SLC7A7: variants seen among roughly 807,000 people sequenced by gnomAD.
SLC7A7 encodes the protein Y+L amino acid transporter 1.
In SLC7A7, 39 loss-of-function variants were observed where a neutral mutation model predicts 47.9. That is an observed-to-expected ratio of 0.81 (90% confidence interval 0.63 to 1.06). SLC7A7 has a LOEUF of 1.06. Among genes scored for constraint, SLC7A7 ranks in the 50% least tolerant of loss-of-function variants. SLC7A7 has a pLI of 0.00. For missense variants in SLC7A7, 588 were observed against 632.0 expected, an observed-to-expected ratio of 0.93 and a Z score of 0.75; for synonymous variants, 234 against 242.8, an observed-to-expected ratio of 0.96 and a Z score of 0.34.
chr14:22,805,583 C>T (rs539985392), intron 2 of SLC7A7, among the ~76,000 whole-genome samples: 1 of 151,952 alleles, frequency 6.6e-6, no homozygotes, highest in African/African-American at 2.4e-5. Context: ...TAGACAAATG[C>T]GGGGGAAGAA....
intron 4 of SLC7A7, 27 bp from the exon 5 acceptor site, chr14:22,776,345 A>G (rs1204939158): frequency 6.2e-7 from 1 of 1,614,146 alleles, no homozygotes; most frequent in East Asian, 2.2e-5. Context: ...TAAAATGCAC[A>G]TTAGTCCCAC....
chr14:22,801,981 A>G (rs924050572), intron 2 of SLC7A7, among the ~76,000 whole-genome samples: 1 of 152,234 alleles, frequency 6.6e-6, no homozygotes, highest in African/African-American at 2.4e-5. Context: ...TCCAAAGAGC[A>G]TATCTGCCTA....
Position 22,773,528 on chromosome 14 carries a change from G to A in SLC7A7, c.*82C>T. The A allele has an allele frequency of 8.0e-7, 1 of 1,252,176 alleles. No homozygotes were observed. The highest frequency in any genetic ancestry group is 1.2e-6 in the Non-Finnish European group (1 of 856,668). 77.6% of individuals were successfully genotyped at this position (1,252,176 alleles called of 1,614,324 possible). A position where few individuals can be genotyped will look rare whatever the true frequency, so the allele number is the denominator to read the frequency against. On this transcript the variant is annotated 3_prime_UTR_variant, in exon 10 of 10. Transcript: ENST00000674313. Reference sequence around the variant, plus strand: ...CTTCTGGACAGGTGCCTCCAAAGAAGTGAGCTTTCCTTTTCAACTTCCTTA... The same window carrying A: ...CTTCTGGACAGGTGCCTCCAAAGAAATGAGCTTTCCTTTTCAACTTCCTTA...
At chr14:22,818,348 C>A (rs920620845), upstream of SLC7A7, among the ~76,000 whole-genome samples, 3 of 152,058 alleles carry the variant, frequency 2.0e-5, no homozygotes, top group Non-Finnish European at 4.4e-5. Flanking sequence ...TCTGCCCGTG[C>A]GCACTAGGCA....
chr14:22,784,698 T>C (rs577812143), intron 2 of SLC7A7, among the ~76,000 whole-genome samples: 23 of 151,200 alleles, frequency 1.5e-4, no homozygotes, highest in East Asian at 7.8e-4. Context: ...CTACATACGG[T>C]CCCCGGGAGT....
rs779202322 is a variant in SLC7A7 at position 22,776,181 on chromosome 14, T to TG, written c.894+13dup. ...CAAGACACCCTCAACCTTCTGCTAGTGAAAATCCTTTACCACAGCAACAGC... is the reference window on the plus strand; with the variant it reads ...CAAGACACCCTCAACCTTCTGCTAGTGGAAAATCCTTTACCACAGCAACAGC... On this transcript the variant is annotated intron_variant, in intron 5 of 9. Transcript: ENST00000674313. 9.3e-6 allele frequency: 15 copies of TG among 1,614,020 alleles called. No individual in the cohort carries two copies. The Admixed American group carries it at 2.5e-4, about 27-fold the overall frequency.
intron 2 of SLC7A7, among the ~76,000 whole-genome samples, chr14:22,787,120 T>G (rs1394088996): frequency 6.6e-6 from 1 of 152,048 alleles, no homozygotes; most frequent in African/African-American, 2.4e-5. Context: ...ACCTCCTGAG[T>G]CTTCACTGAA....
rs1439881687 is a variant in SLC7A7, at chr14:22,788,388, C to A, written c.500-8337G>T. Among the ~76,000 whole-genome samples, 3 of 151,996 alleles carry A rather than the reference C, an allele frequency of 2.0e-5. No homozygotes were observed. The East Asian group carries it at 5.8e-4, about 29-fold the overall frequency. ...CAGTAGTCAAAAACTAGAAACAACCCAAATGCCCAGCAACAGTAGATTGAA... is the reference window on the plus strand; with the variant it reads ...CAGTAGTCAAAAACTAGAAACAACCAAAATGCCCAGCAACAGTAGATTGAA... On this transcript the variant is annotated intron_variant, in intron 2 of 9. Transcript: ENST00000674313.
At chr14:22,775,400 T>G (rs2038580644) in intron 7 of SLC7A7, 44 bp downstream of exon 7, 1 of 1,482,090 alleles carries the variant, frequency 6.7e-7, no homozygotes, top group Non-Finnish European at 9.4e-7. Context: ...TACTAAAGTT[T>G]CCCCCGCAAT....
intron 2 of SLC7A7, among the ~76,000 whole-genome samples, chr14:22,795,695 A>G (rs1411182205): frequency 1.3e-5 from 2 of 150,428 alleles, no homozygotes; most frequent in Non-Finnish European, 3.0e-5. Context: ...GGATGGTCTC[A>G]ATCTCCTGAC....
intron 2 of SLC7A7, among the ~76,000 whole-genome samples, chr14:22,796,501 C>T (rs1594967324): frequency 1.3e-5 from 2 of 152,164 alleles, no homozygotes; most frequent in African/African-American, 4.8e-5. Context: ...ATTGAAGAAC[C>T]CACTACATGC....
At position 22,788,836 on chromosome 14, in the gene SLC7A7, C is replaced by T. The variant is rs780073842; in HGVS notation, c.500-8785G>A. On this transcript the variant is annotated intron_variant, in intron 2 of 9. Coordinates refer to ENST00000674313, the MANE Select transcript of SLC7A7 (RefSeq NM_003982.4). ...TCCATTTACATAAAATCAGAGAAAA[C>T]TAATCAATGCTACTAGAAGTCAGAA... is the stretch of plus-strand genomic sequence containing the variant. 1.4e-4 allele frequency among the ~76,000 whole-genome samples: 22 copies of T among 151,736 alleles called. 1 individual carries two copies. The highest frequency in any genetic ancestry group is 2.5e-4 in the Non-Finnish European group (17 of 67,966).
rs147550025 is a variant in SLC7A7 at position 22,804,710 on chromosome 14, C to T, written c.499+8190G>A. On this transcript the variant is annotated intron_variant, in intron 2 of 9. Transcript: ENST00000674313. ...TGTCAATAATTAAAAAGTCAAGAAA[C>T]AGTCAGGCATGGTGGTTCACATCTG... is the stretch of plus-strand genomic sequence containing the variant. Among the ~76,000 whole-genome samples the T allele has an allele frequency of 4.1e-3, 626 of 152,218 alleles. 5 individuals are homozygous for T. Among genetic ancestry groups the T allele is most frequent in the African/African-American group, 0.014 (590 of 41,546 alleles).
chr14:22,775,924 G>T lies in SLC7A7; in HGVS notation c.907C>A (p.Gln303Lys). Residue 303 changes from glutamine to lysine, a missense_variant, in exon 6 of 10, where the codon CAG becomes AAG. Coordinates refer to ENST00000674313, the MANE Select transcript of SLC7A7 (RefSeq NM_003982.4). ...SDAVAVTFAD[Q>K]IFGIFNWIIP... Reference sequence around the variant, plus strand: ...ATCCAGTTAAATATTCCAAATATCTGATCTGCAAAAGTCTAAGGGAAAAGA... The same window carrying T: ...ATCCAGTTAAATATTCCAAATATCTTATCTGCAAAAGTCTAAGGGAAAAGA... 1 of 1,613,176 alleles carries T rather than the reference G, an allele frequency of 6.2e-7. No individual in the cohort carries two copies. The highest frequency in any genetic ancestry group is 1.1e-5 in the South Asian group (1 of 91,054).
In SLC7A7 at chr14:22,778,864, G is replaced by A. The variant is rs767657396; in HGVS notation, c.699C>T (p.Tyr233=). 10 of 1,614,062 alleles carry A rather than the reference G, an allele frequency of 6.2e-6. No homozygotes were observed. The highest frequency in any genetic ancestry group is 8.5e-6 in the Non-Finnish European group (10 of 1,180,018). ...FAVGDIALAL[Y]SALFSYSGWD... ...AGCCTGAGTAGGAGAACAGAGCTGA[G>A]TACAGTGCCAGGGCAATGTCACCCA... Residue 233 remains tyrosine, a synonymous_variant, in exon 4 of 10, where the codon TAC becomes TAT. Coordinates refer to ENST00000674313, the MANE Select transcript of SLC7A7 (RefSeq NM_003982.4).
chr14:22,775,541 CTA>C lies in SLC7A7; in HGVS notation c.999-3_999-2del, dbSNP rs1315366056. 18 of 1,613,806 alleles carry C rather than the reference CTA, an allele frequency of 1.1e-5. No individual in the cohort carries two copies. Among genetic ancestry groups the C allele is most frequent in the African/African-American group, 1.3e-5 (1 of 74,904 alleles). ...TTCTCTTGAGCCCACAAAGAAAAGCCTATGTTAGGTAAGATAGGAGAAGCTGA... is the reference window on the plus strand; with the variant it reads ...TTCTCTTGAGCCCACAAAGAAAAGCCTGTTAGGTAAGATAGGAGAAGCTGA... On this transcript the variant is annotated splice_acceptor_variant and splice_polypyrimidine_tract_variant and intron_variant, in intron 6 of 9. Transcript: ENST00000674313. LOFTEE classifies it high-confidence loss of function.
At chr14:22,810,312 A>G (rs2039285043) in intron 2 of SLC7A7, among the ~76,000 whole-genome samples, 1 of 151,108 alleles carries the variant, frequency 6.6e-6, no homozygotes, top group Non-Finnish European at 1.5e-5. Context: ...TAAAAATACA[A>G]AATTAGCCGG....
rs1594944509 is a variant in SLC7A7, at chr14:22,775,556, T to C, written c.999-16A>G. Reference sequence around the variant, plus strand: ...AAAGAAAAGCCTATGTTAGGTAAGATAGGAGAAGCTGAGAAAATTGGTGGA... The same window carrying C: ...AAAGAAAAGCCTATGTTAGGTAAGACAGGAGAAGCTGAGAAAATTGGTGGA... On this transcript the variant is annotated splice_polypyrimidine_tract_variant and intron_variant, in intron 6 of 9. Coordinates refer to ENST00000674313, the MANE Select transcript of SLC7A7 (RefSeq NM_003982.4). The C allele has an allele frequency of 1.2e-6, 2 of 1,611,288 alleles. No homozygotes were observed. The highest frequency in any genetic ancestry group is 1.1e-5 in the South Asian group (1 of 91,014).
chr14:22,775,250 A>G lies in SLC7A7; in HGVS notation c.1095+194T>C, dbSNP rs558941784. ...TTGCCTTATCTTAGAGCAGAGGTGT[A>G]CCATTCCTTAGAGCATTTGGATTTC... On this transcript the variant is annotated intron_variant, in intron 7 of 9. Transcript: ENST00000674313. 9.9e-3 allele frequency among the ~76,000 whole-genome samples: 1,207 copies of G among 122,384 alleles called. 7 individuals are homozygous for G. Among genetic ancestry groups the G allele is most frequent in the Non-Finnish European group, 0.017 (873 of 51,798 alleles). The allele number at this position is 122,384 out of a possible 152,430, so 80.3% of individuals were successfully genotyped here.
Sources: gnomAD v4.1 joint callset for allele counts (sites outside exome capture counted in the v4.1 genomes callset) on GRCh38, gnomAD v4.1.1 for gene constraint, MANE v1.5 for transcripts, NCBI Gene and HGNC (gene_info 2026-07-23, HGNC 2026-07-21) for gene names.